KCNIP1: variants seen among roughly 807,000 people sequenced by gnomAD.
The protein encoded by KCNIP1 is A-type potassium channel modulatory protein KCNIP1.
KCNIP1 carries 18 observed loss-of-function variants against 33.0 expected under a neutral mutation model. That is an observed-to-expected ratio of 0.55 (90% CI 0.38 to 0.81). The LOEUF (loss-of-function observed/expected upper bound fraction) is 0.81, where lower values mean the gene tolerates loss of function less well. KCNIP1 is among the 30% of genes least tolerant of loss of function. The pLI, the probability that KCNIP1 is intolerant of heterozygous loss-of-function variation, is 0.00. For missense variants in KCNIP1, 238 were observed against 271.6 expected, an observed-to-expected ratio of 0.88 and a Z score of 0.87; for synonymous variants, 93 against 98.3, an observed-to-expected ratio of 0.95 and a Z score of 0.32.
chr5:170,450,920 T>A (rs1756234875), intron 1 of KCNIP1, among the ~76,000 whole-genome samples: 1 of 152,096 alleles, frequency 6.6e-6, no homozygotes, highest in African/African-American at 2.4e-5. Flanking sequence ...TCCAGTCCCA[T>A]CACCTGACAC....
At chr5:170,381,112 AGT>A (rs1410228835) in intron 1 of KCNIP1, among the ~76,000 whole-genome samples, 1 of 152,190 alleles carries the variant, frequency 6.6e-6, no homozygotes, top group African/African-American at 2.4e-5. Flanking sequence ...TCCTGGGCCT[AGT>A]GTATCCTCTG....
At chr5:170,378,816 T>A (rs750241697) in intron 1 of KCNIP1, 5 of 1,614,212 alleles carry the variant, frequency 3.1e-6, no homozygotes, top group Non-Finnish European at 4.2e-6. Context: ...GAGGAGGGCC[T>A]GGGGCCCGTA....
At chr5:170,652,493 A>AG (rs1761081333) in intron 1 of KCNIP1, among the ~76,000 whole-genome samples, 1 of 97,204 alleles carries the variant, frequency 1.0e-5, no homozygotes, top group African/African-American at 5.5e-5. Flanking sequence ...AAAAAAAAAA[A>AG]AAAAAAAGGA....
intron 1 of KCNIP1, among the ~76,000 whole-genome samples, chr5:170,557,768 G>A (rs1305121131): frequency 5.3e-5 from 8 of 152,186 alleles, no homozygotes; most frequent in Non-Finnish European, 1.2e-4. Context: ...ACAGGGAGAA[G>A]ATGGGTAGGA....
chr5:170,641,483 G>A (rs1174972880), intron 1 of KCNIP1, among the ~76,000 whole-genome samples: 1 of 152,212 alleles, frequency 6.6e-6, no homozygotes, highest in Non-Finnish European at 1.5e-5. Flanking sequence ...TCCAGCAGTC[G>A]GGAGGGTTGT....
intron 1 of KCNIP1, among the ~76,000 whole-genome samples, chr5:170,586,756 A>G (rs1183820158): frequency 6.6e-6 from 1 of 152,160 alleles, no homozygotes; most frequent in Non-Finnish European, 1.5e-5. Flanking sequence ...GATCTCCCCA[A>G]CTTACAGATC....
chr5:170,394,473 G>A lies in KCNIP1; in HGVS notation c.88+40509G>A, dbSNP rs185330763. On this transcript the variant is annotated intron_variant, in intron 1 of 7. Coordinates refer to the KCNIP1 transcript ENST00000377360. ...TTGTTGTCATCGTGCTTTGGTTTTC[G>A]GGAAAAAAAATCTCTCGCTTTTTTA... 4.9e-3 allele frequency among the ~76,000 whole-genome samples: 734 copies of A among 148,694 alleles called. 10 individuals carry two copies. Among genetic ancestry groups the A allele is most frequent in the African/African-American group, 0.016 (665 of 41,306 alleles).
chr5:170,718,972 C>T, intron 2 of KCNIP1, 90 bp downstream of exon 2: 2 of 1,511,446 alleles, frequency 1.3e-6, no homozygotes, highest in Non-Finnish European at 1.8e-6. Flanking sequence ...TAAGGCGTTT[C>T]CCATATGTGA....
At chr5:170,613,236 C>G (rs1581398268) in intron 1 of KCNIP1, among the ~76,000 whole-genome samples, 2 of 152,330 alleles carry the variant, frequency 1.3e-5, no homozygotes, top group East Asian at 3.9e-4. Context: ...GCATGGATCC[C>G]TGCCACTACC....
rs535235983 is a variant in KCNIP1, at chr5:170,615,504, A to G, written c.62-103254A>G. Among the ~76,000 whole-genome samples the G allele has an allele frequency of 1.8e-4, 28 of 152,234 alleles. No homozygotes were observed. The South Asian group carries it at 4.4e-3, about 24-fold the overall frequency. On this transcript the variant is annotated intron_variant, in intron 1 of 7. Coordinates refer to ENST00000328939, the MANE Select transcript of KCNIP1 (RefSeq NM_014592.4). ...GCATTTTCATTAATACTCCTGATTA[A>G]TTGTCTGTCCTAGGAAAAGGCTCAT... is the stretch of plus-strand genomic sequence containing the variant.
chr5:170,544,015 C>T (rs1043739661), intron 1 of KCNIP1, among the ~76,000 whole-genome samples: 11 of 152,094 alleles, frequency 7.2e-5, no homozygotes, highest in Non-Finnish European at 1.3e-4. Flanking sequence ...TTTAAGTGAC[C>T]GGCTCATTCG....
At chr5:170,631,333 A>G (rs527555423) in intron 1 of KCNIP1, among the ~76,000 whole-genome samples, 7 of 152,258 alleles carry the variant, frequency 4.6e-5, no homozygotes, top group African/African-American at 1.7e-4. Context: ...CCTGGCACAT[A>G]GTAGGTGCTC....
At chr5:170,431,815 G>A (rs1179043886) in intron 1 of KCNIP1, among the ~76,000 whole-genome samples, 1 of 152,210 alleles carries the variant, frequency 6.6e-6, no homozygotes, top group African/African-American at 2.4e-5. Flanking sequence ...GCACCTTTCT[G>A]GACTTGAGGA....
chr5:170,414,387 A>C (rs1301700837), intron 1 of KCNIP1, among the ~76,000 whole-genome samples: 1 of 152,238 alleles, frequency 6.6e-6, no homozygotes, highest in Non-Finnish European at 1.5e-5. Flanking sequence ...TGTAGCCTAC[A>C]CTTGTGCCGA....
chr5:170,484,073 T>G (rs1009891022), intron 1 of KCNIP1: 2 of 152,302 alleles, frequency 1.3e-5, no homozygotes, highest in African/African-American at 4.8e-5. Flanking sequence ...CAGGGGGCAC[T>G]CACATCATGC....
chr5:170,596,906 G>C (rs1464889610), intron 1 of KCNIP1, among the ~76,000 whole-genome samples: 4 of 152,262 alleles, frequency 2.6e-5, no homozygotes, highest in Non-Finnish European at 5.9e-5. Flanking sequence ...GGGAACATGA[G>C]TAGTGTGAGC....
chr5:170,613,463 A>G (rs1259647391), intron 1 of KCNIP1, among the ~76,000 whole-genome samples: 1 of 152,172 alleles, frequency 6.6e-6, no homozygotes, highest in Non-Finnish European at 1.5e-5. Flanking sequence ...AATGCCCCCT[A>G]CTTGAAAGAT....
At chr5:170,654,808 A>G (rs1220374871) in intron 1 of KCNIP1, among the ~76,000 whole-genome samples, 2 of 152,230 alleles carry the variant, frequency 1.3e-5, no homozygotes, top group Non-Finnish European at 2.9e-5. Flanking sequence ...TCATCTGGTT[A>G]ATGGTGTGAA....
upstream of KCNIP1, among the ~76,000 whole-genome samples, chr5:170,499,918 C>A (rs1757379227): frequency 6.6e-6 from 1 of 152,158 alleles, no homozygotes; most frequent in African/African-American, 2.4e-5. Flanking sequence ...GAAGGAAGGC[C>A]TTGCGTCCAG....
Sources: gnomAD v4.1 joint callset for allele counts (sites outside exome capture counted in the v4.1 genomes callset) on GRCh38, gnomAD v4.1.1 for gene constraint, MANE v1.5 for transcripts, NCBI Gene and HGNC (gene_info 2026-07-23, HGNC 2026-07-21) for gene names.